The following AFG1L variants were observed in gnomAD, a reference collection of about 807,000 sequenced individuals.
AFG1L encodes AFG1-like ATPase.
Under a neutral mutation model 62.2 loss-of-function variants are expected in AFG1L, and 53 were observed. The ratio of observed to expected loss-of-function variants is 0.85; its 90% CI spans 0.68 to 1.07. The LOEUF (loss-of-function observed/expected upper bound fraction) is 1.07. Ranked by LOEUF, AFG1L falls within the 50% of genes least tolerant of loss-of-function variation. AFG1L has a pLI of 0.00. For synonymous variants in AFG1L, 228 were observed against 210.3 expected, an observed-to-expected ratio of 1.08 and a Z score of -0.73; for missense variants, 555 against 590.5, an observed-to-expected ratio of 0.94 and a Z score of 0.62.
chr6:108,395,097 T>A (rs61476457), intron 6 of AFG1L, among the ~76,000 whole-genome samples: 6,131 of 152,280 alleles, frequency 0.04, 384 homozygotes, highest in African/African-American at 0.14. Context: ...CTAAATAAAA[T>A]TTTTAAATAT....
chr6:108,332,910 G>T (rs1439996373), intron 2 of AFG1L, among the ~76,000 whole-genome samples: 1 of 152,004 alleles, frequency 6.6e-6, no homozygotes, highest in African/African-American at 2.4e-5. Flanking sequence ...CCAGCCAGAA[G>T]AATTTCTTAT....
chr6:108,324,586 C>G (rs552446735), intron 2 of AFG1L, among the ~76,000 whole-genome samples: 8 of 152,202 alleles, frequency 5.3e-5, no homozygotes, highest in African/African-American at 1.9e-4. Flanking sequence ...CTTCTCCAGT[C>G]TTTGACTAAC....
At chr6:108,445,006 C>G (rs1771706460) in intron 7 of AFG1L, among the ~76,000 whole-genome samples, 1 of 152,246 alleles carries the variant, frequency 6.6e-6, no homozygotes, top group Non-Finnish European at 1.5e-5. Flanking sequence ...AAGGCTGTTT[C>G]ATCTCCAGTG....
rs1025111756 is a variant in AFG1L at position 108,326,278 on chromosome 6, G to A, written c.363+2230G>A. On this transcript the variant is annotated intron_variant, in intron 2 of 12. Coordinates refer to ENST00000368977, the MANE Select transcript of AFG1L (RefSeq NM_145315.5). ...TGTAGAGACAGGACCTTACTCTGTT[G>A]CCAGGCTGGTCTTGAACTTCTGGTC... 5.3e-5 allele frequency among the ~76,000 whole-genome samples: 8 copies of A among 152,082 alleles called. No homozygotes were observed. In the South Asian group the frequency reaches 1.2e-3, roughly 24 times the overall value.
intron 6 of AFG1L, among the ~76,000 whole-genome samples, chr6:108,382,911 C>T (rs1371317711): frequency 6.6e-6 from 1 of 152,122 alleles, no homozygotes; most frequent in Non-Finnish European, 1.5e-5. Context: ...ATGAGAACAA[C>T]AAAAGATACT....
At chr6:108,512,623 A>G (rs367738676) in intron 11 of AFG1L, among the ~76,000 whole-genome samples, 7 of 152,232 alleles carry the variant, frequency 4.6e-5, no homozygotes, top group African/African-American at 7.2e-5. Flanking sequence ...CGTTATTTTG[A>G]TATTTCAGCT....
chr6:108,405,724 A>C (rs1405469323), intron 7 of AFG1L, among the ~76,000 whole-genome samples: 4 of 152,154 alleles, frequency 2.6e-5, no homozygotes, highest in African/African-American at 7.2e-5. Context: ...ACCATGATTC[A>C]TCTCCAGCAT....
chr6:108,321,485 T>C (rs1292602768), intron 1 of AFG1L, among the ~76,000 whole-genome samples: 1 of 152,180 alleles, frequency 6.6e-6, no homozygotes, highest in African/African-American at 2.4e-5. Flanking sequence ...CACTTGGTCC[T>C]TCTGGCTACC....
At chr6:108,489,483 T>C (rs1310314359) in intron 10 of AFG1L, among the ~76,000 whole-genome samples, 1 of 152,082 alleles carries the variant, frequency 6.6e-6, no homozygotes, top group Non-Finnish European at 1.5e-5. Flanking sequence ...GAATCCCAAG[T>C]CTCCACGACA....
At chr6:108,462,012 G>A (rs1325121881) in intron 8 of AFG1L, among the ~76,000 whole-genome samples, 3 of 151,946 alleles carry the variant, frequency 2.0e-5, no homozygotes, top group South Asian at 4.1e-4. Context: ...GGAGAATGGC[G>A]TGAACCTGGG....
rs372121015 is a variant in AFG1L, at chr6:108,475,643, T to A, written c.891-1222T>A. Among the ~76,000 whole-genome samples, 31 of 152,348 alleles carry A rather than the reference T, an allele frequency of 2.0e-4. No homozygotes were observed. The East Asian group carries it at 3.9e-3, about 19-fold the overall frequency. ...CCTCATGGAAGTCAAATAGCATTTCTCCTGCAAAGTTGACCATTGCAAATG... is the reference window on the plus strand; with the variant it reads ...CCTCATGGAAGTCAAATAGCATTTCACCTGCAAAGTTGACCATTGCAAATG... On this transcript the variant is annotated intron_variant, in intron 8 of 12. Coordinates refer to ENST00000368977, the MANE Select transcript of AFG1L (RefSeq NM_145315.5).
At chr6:108,407,956 C>T (rs1582537532) in intron 7 of AFG1L, among the ~76,000 whole-genome samples, 2 of 152,044 alleles carry the variant, frequency 1.3e-5, no homozygotes, top group South Asian at 4.1e-4. Context: ...TTGATTTTTT[C>T]CCCCTGGTTG....
chr6:108,519,939 C>A, intron 12 of AFG1L, 129 bp downstream of exon 12: 2 of 532,946 alleles, frequency 3.8e-6, no homozygotes. Flanking sequence ...CTTCTATAAG[C>A]CCATGTAGCA....
At chr6:108,312,778 GTTGT>G (rs1777461739) in intron 1 of AFG1L, among the ~76,000 whole-genome samples, 1 of 150,584 alleles carries the variant, frequency 6.6e-6, no homozygotes, top group South Asian at 2.1e-4. Flanking sequence ...TTTTTTTTTG[GTTGT>G]GAGGTAGAGT....
At chr6:108,379,552 G>A (rs1015519234) in intron 6 of AFG1L, among the ~76,000 whole-genome samples, 2 of 152,190 alleles carry the variant, frequency 1.3e-5, no homozygotes, top group Non-Finnish European at 2.9e-5. Flanking sequence ...GGCAATGGGA[G>A]CCGTGAAGGG....
In AFG1L at chr6:108,446,187, A is replaced by G. The variant is rs539235551; in HGVS notation, c.808-1027A>G. On this transcript the variant is annotated intron_variant, in intron 7 of 12. Transcript: ENST00000368977. ...GCAAAAGTACATTTGCTCTCAAAGT[A>G]AGAATTTGGGATGTGTGTGGTGTAT... Among the ~76,000 whole-genome samples, 9 of 152,084 alleles carry G rather than the reference A, an allele frequency of 5.9e-5. No individual in the cohort carries two copies. In the South Asian group the frequency reaches 1.9e-3, roughly 32 times the overall value.
At chr6:108,388,025 A>T (rs949855156) in intron 6 of AFG1L, 1 of 152,164 alleles carries the variant, frequency 6.6e-6, no homozygotes, top group South Asian at 2.1e-4. Context: ...CCCATCTGGT[A>T]GTAAGGCCTT....
At chr6:108,348,224 G>A (rs1778942936) in intron 3 of AFG1L, among the ~76,000 whole-genome samples, 2 of 152,132 alleles carry the variant, frequency 1.3e-5, no homozygotes. Flanking sequence ...GACGACAGGT[G>A]TCTGCCACCA....
rs775898916 is a variant in AFG1L, at chr6:108,402,101, A to C, written c.807+47A>C. ...GTGTTTACTAAGATCATACTTATTG[A>C]TAATCAAGGGCTTTAGTAGGATTGT... On this transcript the variant is annotated intron_variant, in intron 7 of 12. Transcript: ENST00000368977. 4.4e-6 allele frequency: 4 copies of C among 918,688 alleles called. No homozygotes were observed. In the South Asian group the frequency reaches 5.6e-5, roughly 13 times the overall value. 56.9% of individuals were successfully genotyped at this position (918,688 alleles called of 1,614,324 possible).
Sources: allele counts gnomAD v4.1 joint callset (sites outside exome capture counted in the v4.1 genomes callset), GRCh38; gene constraint gnomAD v4.1.1; transcripts MANE v1.5; gene names NCBI Gene and HGNC (gene_info 2026-07-23, HGNC 2026-07-21).